RPS6KB1: variants seen among roughly 807,000 people sequenced by gnomAD.
The protein encoded by RPS6KB1 is ribosomal protein S6 kinase beta-1.
Under a neutral mutation model 70.2 loss-of-function variants are expected in RPS6KB1, and 12 were observed. The ratio of observed to expected loss-of-function variants is 0.17; its 90% CI spans 0.11 to 0.28. The LOEUF is 0.28. RPS6KB1 is among the 10% of genes least tolerant of loss of function. The pLI, the probability that RPS6KB1 is intolerant of heterozygous loss-of-function variation, is 1.00. For missense variants in RPS6KB1, 270 were observed against 646.6 expected (o/e 0.42, Z 6.32); for synonymous variants, 175 against 211.2 (o/e 0.83, Z 1.49).
intron 12 of RPS6KB1, among the ~76,000 whole-genome samples, chr17:59,938,704 T>C (rs1411127965): frequency 2.1e-5 from 2 of 94,482 alleles, no homozygotes; most frequent in East Asian, 4.7e-4. Flanking sequence ...GTAGTTTGTG[T>C]GTGTGTGTGT....
intron 4 of RPS6KB1, 70 bp downstream of exon 4, chr17:59,914,773 G>A (rs1429980249): frequency 2.6e-6 from 3 of 1,141,328 alleles, no homozygotes; most frequent in Non-Finnish European, 3.8e-6. Flanking sequence ...CAAAAGGCTG[G>A]GAAGCAATCA....
At chr17:59,922,747 T>A (rs1449075492) in intron 4 of RPS6KB1, among the ~76,000 whole-genome samples, 1 of 151,992 alleles carries the variant, frequency 6.6e-6, no homozygotes, top group Non-Finnish European at 1.5e-5. Context: ...GGTTTCACCA[T>A]GTTGGCCAGG....
intron 1 of RPS6KB1, among the ~76,000 whole-genome samples, chr17:59,902,916 C>T (rs922383096): frequency 1.3e-5 from 2 of 152,070 alleles, no homozygotes; most frequent in African/African-American, 4.8e-5. Context: ...TGTGGGGGCT[C>T]ATGCCTATAA....
intron 1 of RPS6KB1, among the ~76,000 whole-genome samples, chr17:59,902,765 T>TG (rs2042033511): frequency 6.6e-6 from 1 of 151,988 alleles, no homozygotes; most frequent in Non-Finnish European, 1.5e-5. Context: ...GTTGCAGAGA[T>TG]GGGGGTCTCG....
At chr17:59,917,357 C>G (rs1244009207) in intron 4 of RPS6KB1, among the ~76,000 whole-genome samples, 1 of 152,048 alleles carries the variant, frequency 6.6e-6, no homozygotes, top group East Asian at 1.9e-4. Flanking sequence ...CTCAAGTGAT[C>G]CACCCGCCTC....
intron 1 of RPS6KB1, among the ~76,000 whole-genome samples, chr17:59,898,285 G>T (rs2041686749): frequency 6.6e-6 from 1 of 152,056 alleles, no homozygotes; most frequent in East Asian, 1.9e-4. Flanking sequence ...ACAAGTTTCA[G>T]ATTGGGACAT....
Position 59,893,839 on chromosome 17 carries a change from G to T in RPS6KB1, c.141+514G>T. 4.1e-6 allele frequency: 4 copies of T among 985,940 alleles called. No individual in the cohort carries two copies. The highest frequency in any genetic ancestry group is 4.8e-6 in the Non-Finnish European group (4 of 830,256). The allele number at this position is 985,940 out of a possible 1,614,324, so 61.1% of individuals were successfully genotyped here. On this transcript the variant is annotated intron_variant, in intron 1 of 14. Coordinates refer to ENST00000225577, the MANE Select transcript of RPS6KB1 (RefSeq NM_003161.4). This position sits in a 1 kb window ranked among gnomAD's most constrained non-coding sequence, Gnocchi z 4.1. ...AAGTGACAGCTGAAAACTTCTGTCGGGAGTAGCACTGCCGCTGCTGTTACA... is the reference window on the plus strand; with the variant it reads ...AAGTGACAGCTGAAAACTTCTGTCGTGAGTAGCACTGCCGCTGCTGTTACA...
rs1237921437 is a variant in RPS6KB1, at chr17:59,947,652, A to C, written c.*864A>C. Reference sequence around the variant, plus strand: ...GCATAAGTTGTATGTCCTACATTTCATCATTGTCCCGGGCCTGCATTGCAC... The same window carrying C: ...GCATAAGTTGTATGTCCTACATTTCCTCATTGTCCCGGGCCTGCATTGCAC... On this transcript the variant is annotated 3_prime_UTR_variant, in exon 15 of 15. Coordinates refer to ENST00000225577, the MANE Select transcript of RPS6KB1 (RefSeq NM_003161.4). The C allele has an allele frequency of 9.6e-7, 1 of 1,041,482 alleles. No homozygotes were observed. The highest frequency in any genetic ancestry group is 1.6e-5 in the African/African-American group (1 of 63,044). 64.5% of individuals were successfully genotyped at this position (1,041,482 alleles called of 1,614,324 possible).
intron 2 of RPS6KB1, among the ~76,000 whole-genome samples, chr17:59,911,579 C>G (rs1209586525): frequency 8.1e-6 from 1 of 123,068 alleles, no homozygotes; most frequent in Non-Finnish European, 1.6e-5. Context: ...AAGTCTCGCT[C>G]TTGTTCCCAG....
chr17:59,897,147 A>C (rs1461156294), intron 1 of RPS6KB1, among the ~76,000 whole-genome samples: 1 of 152,214 alleles, frequency 6.6e-6, no homozygotes, highest in Non-Finnish European at 1.5e-5. Flanking sequence ...GCTTCATTGC[A>C]CAGGTTCTTC....
intron 12 of RPS6KB1, 141 bp from the exon 13 acceptor site, chr17:59,940,695 C>A: frequency 1.1e-5 from 5 of 452,286 alleles, no homozygotes; most frequent in Non-Finnish European, 1.5e-5. Flanking sequence ...ACATTTTTTT[C>A]TTCATTCTGT....
At chr17:59,926,633 G>A in intron 5 of RPS6KB1, 51 bp downstream of exon 5, 2 of 1,396,712 alleles carry the variant, frequency 1.4e-6, no homozygotes, top group Non-Finnish European at 9.9e-7. Context: ...CAGAAACTGG[G>A]TCAAAATGTT....
chr17:59,896,158 A>G (rs1280671391), intron 1 of RPS6KB1, among the ~76,000 whole-genome samples: 1 of 152,058 alleles, frequency 6.6e-6, no homozygotes, highest in South Asian at 2.1e-4. Flanking sequence ...CATTAGTTGA[A>G]CTGATAGAAT....
intron 1 of RPS6KB1, among the ~76,000 whole-genome samples, chr17:59,910,262 TGAG>T (rs1039919498): frequency 2.0e-5 from 3 of 151,820 alleles, no homozygotes; most frequent in Non-Finnish European, 4.4e-5. Context: ...AAGAATCACT[TGAG>T]GAGTTTAAGG....
At chr17:59,902,024 A>G (rs1392261322) in intron 1 of RPS6KB1, among the ~76,000 whole-genome samples, 1 of 151,378 alleles carries the variant, frequency 6.6e-6, no homozygotes, top group Non-Finnish European at 1.5e-5. Flanking sequence ...AAAAAAAAAA[A>G]AAAAAAAGCT....
chr17:59,947,244 A>G lies in RPS6KB1; in HGVS notation c.*456A>G. The stretch of plus-strand genomic sequence containing the variant: ...AAACTTTTTCCAGCAAAATGGAAGC[A>G]AAGACAAAAGAAACTTACCAATTGA... On this transcript the variant is annotated 3_prime_UTR_variant, in exon 15 of 15. Coordinates refer to ENST00000225577, the MANE Select transcript of RPS6KB1 (RefSeq NM_003161.4). 1 of 1,030,246 alleles carries G rather than the reference A, an allele frequency of 9.7e-7. No individual in the cohort carries two copies. Among genetic ancestry groups the G allele is most frequent in the Non-Finnish European group, 1.2e-6 (1 of 859,300 alleles). 63.8% of individuals were successfully genotyped at this position (1,030,246 alleles called of 1,614,324 possible).
chr17:59,909,425 A>C (rs1241187894), intron 1 of RPS6KB1, among the ~76,000 whole-genome samples: 1 of 148,858 alleles, frequency 6.7e-6, no homozygotes, highest in Non-Finnish European at 1.5e-5. Flanking sequence ...GCGACACCGC[A>C]CCCGTCTAAT....
At chr17:59,911,279 G>C (rs150818685) in intron 2 of RPS6KB1, among the ~76,000 whole-genome samples, 136 of 152,348 alleles carry the variant, frequency 8.9e-4, no homozygotes, top group African/African-American at 3.2e-3. Context: ...AAAAGCATTA[G>C]TGTAGGAGGA....
chr17:59,923,883 A>G (rs2043429595), intron 4 of RPS6KB1, among the ~76,000 whole-genome samples: 2 of 152,062 alleles, frequency 1.3e-5, no homozygotes, highest in Admixed American at 6.6e-5. Flanking sequence ...ACATAAACGC[A>G]CTCATTTGTT....
Sources: gnomAD v4.1 joint callset for allele counts (sites outside exome capture counted in the v4.1 genomes callset) on GRCh38, gnomAD v4.1.1 for gene constraint, Gnocchi (gnomAD v3.1) non-coding constraint, MANE v1.5 for transcripts, NCBI Gene and HGNC (gene_info 2026-07-23, HGNC 2026-07-21) for gene names.